The following EYS variants were observed in gnomAD, a reference collection of about 807,000 sequenced individuals.
EYS encodes the protein EGF-like photoreceptor maintenance factor.
EYS carries 250 observed loss-of-function variants against 282.1 expected under a neutral mutation model. The ratio of observed to expected loss-of-function variants is 0.89; its 90% CI spans 0.80 to 0.98. The LOEUF (loss-of-function observed/expected upper bound fraction) is 0.98, where lower values mean the gene tolerates loss of function less well. Ranked by LOEUF, EYS falls within the 50% of genes least tolerant of loss-of-function variation. The pLI is 0.00. For synonymous variants in EYS, 1,355 were observed against 1,282.9 expected (o/e 1.06, Z -1.20); for missense variants, 4,016 against 3,709.0 (o/e 1.08, Z -2.15).
intron 29 of EYS, among the ~76,000 whole-genome samples, chr6:64,320,345 G>C (rs1420578289): frequency 1.3e-5 from 2 of 151,602 alleles, no homozygotes; most frequent in African/African-American, 4.8e-5. Context: ...AGGTCATTGA[G>C]TCTATGGGTT....
chr6:64,861,174 T>C (rs1766224758), intron 19 of EYS, among the ~76,000 whole-genome samples: 1 of 152,184 alleles, frequency 6.6e-6, no homozygotes, highest in Non-Finnish European at 1.5e-5. Flanking sequence ...GGCAGGCCAG[T>C]GCGGAACTGC....
intron 29 of EYS, among the ~76,000 whole-genome samples, chr6:64,362,109 G>A (rs1772031038): frequency 6.6e-6 from 1 of 151,710 alleles, no homozygotes. Context: ...AGGAGCTGGT[G>A]CTGCCATTTA....
chr6:64,505,990 G>A (rs1411874995), intron 26 of EYS, among the ~76,000 whole-genome samples: 1 of 152,162 alleles, frequency 6.6e-6, no homozygotes, highest in Non-Finnish European at 1.5e-5. Flanking sequence ...ATCAGGAAAT[G>A]TGGTCCTTTC....
intron 26 of EYS, among the ~76,000 whole-genome samples, chr6:64,537,609 A>G (rs940927076): frequency 6.6e-6 from 1 of 152,144 alleles, no homozygotes; most frequent in Non-Finnish European, 1.5e-5. Context: ...TAGCTGCTCA[A>G]AGTTACTTAT....
At chr6:65,655,207 G>C (rs996342827) in intron 1 of EYS, among the ~76,000 whole-genome samples, 1 of 151,430 alleles carries the variant, frequency 6.6e-6, no homozygotes, top group Non-Finnish European at 1.5e-5. Flanking sequence ...ATAATTTATA[G>C]AGAATTCTCA....
intron 5 of EYS, among the ~76,000 whole-genome samples, chr6:65,416,806 C>G (rs1422474719): frequency 6.6e-6 from 1 of 151,920 alleles, no homozygotes; most frequent in African/African-American, 2.4e-5. Context: ...ATAGGCAACA[C>G]AAAGACATCA....
intron 5 of EYS, among the ~76,000 whole-genome samples, chr6:65,424,155 A>C (rs960224463): frequency 6.6e-6 from 1 of 151,960 alleles, no homozygotes; most frequent in African/African-American, 2.4e-5. Context: ...ATACATTCGA[A>C]GTTTTACTTG....
chr6:65,310,020 C>A (rs1004060560), intron 11 of EYS, among the ~76,000 whole-genome samples: 1 of 152,146 alleles, frequency 6.6e-6, no homozygotes, highest in African/African-American at 2.4e-5. Context: ...TTGCTCCAAC[C>A]CCTTCAGGTC....
chr6:63,878,613 G>A (rs888660203), intron 35 of EYS, among the ~76,000 whole-genome samples: 22 of 152,146 alleles, frequency 1.4e-4, no homozygotes, highest in East Asian at 1.9e-4. Context: ...CTTGAACTGC[G>A]GTGGGCTCCA....
At chr6:64,671,904 ATAATT>A (rs1769475788) in intron 22 of EYS, among the ~76,000 whole-genome samples, 1 of 152,298 alleles carries the variant, frequency 6.6e-6, no homozygotes, top group Admixed American at 6.5e-5. Flanking sequence ...AAAAAAAACA[ATAATT>A]TATGATCACC....
chr6:64,321,044 T>G (rs1770202123), intron 29 of EYS, among the ~76,000 whole-genome samples: 1 of 151,824 alleles, frequency 6.6e-6, no homozygotes, highest in African/African-American at 2.4e-5. Flanking sequence ...TTTCATAAAT[T>G]TATTCTGTTA....
intron 19 of EYS, among the ~76,000 whole-genome samples, chr6:64,870,125 G>C (rs956223217): frequency 6.6e-6 from 1 of 151,498 alleles, no homozygotes; most frequent in Non-Finnish European, 1.5e-5. Flanking sequence ...GATGGATAAT[G>C]GTTTCTTTAC....
chr6:64,327,952 G>A (rs1469797845), intron 29 of EYS, among the ~76,000 whole-genome samples: 3 of 152,150 alleles, frequency 2.0e-5, no homozygotes, highest in Non-Finnish European at 4.4e-5. Context: ...CCAGGGGGAT[G>A]AGGTCAGCCG....
At chr6:64,129,777 G>A (rs1773909294) in intron 31 of EYS, among the ~76,000 whole-genome samples, 1 of 152,168 alleles carries the variant, frequency 6.6e-6, no homozygotes, top group African/African-American at 2.4e-5. Flanking sequence ...TAACATGTAA[G>A]TCTTTAATCC....
intron 22 of EYS, among the ~76,000 whole-genome samples, chr6:64,735,446 C>CA (rs1172902218): frequency 1.3e-5 from 2 of 152,026 alleles, no homozygotes; most frequent in Non-Finnish European, 2.9e-5. Flanking sequence ...TGGATAGTGA[C>CA]ACAACTGATC....
At chr6:65,654,287 T>C (rs1265006050) in intron 1 of EYS, among the ~76,000 whole-genome samples, 1 of 151,868 alleles carries the variant, frequency 6.6e-6, no homozygotes, top group Non-Finnish European at 1.5e-5. Flanking sequence ...CTTTCTGTAA[T>C]AGTTACTCAC....
At chr6:64,580,715 C>T (rs1002921337) in intron 26 of EYS, among the ~76,000 whole-genome samples, 1 of 151,970 alleles carries the variant, frequency 6.6e-6, no homozygotes, top group Non-Finnish European at 1.5e-5. Flanking sequence ...TTTTAAACCT[C>T]TGAAAATAAT....
chr6:63,891,060 G>T (rs945332446), intron 35 of EYS, among the ~76,000 whole-genome samples: 2 of 152,126 alleles, frequency 1.3e-5, no homozygotes, highest in African/African-American at 4.8e-5. Flanking sequence ...TCCCTGAATA[G>T]ACCAATAACA....
At chr6:64,265,068 A>G (rs1190826357) in intron 30 of EYS, among the ~76,000 whole-genome samples, 1 of 140,006 alleles carries the variant, frequency 7.1e-6, no homozygotes, top group African/African-American at 2.5e-5. Flanking sequence ...TTTCTCATTC[A>G]GTTTTGTCAT....
Sources: allele counts gnomAD v4.1 joint callset (sites outside exome capture counted in the v4.1 genomes callset), GRCh38; gene constraint gnomAD v4.1.1; transcripts MANE v1.5; gene names NCBI Gene and HGNC (gene_info 2026-07-23, HGNC 2026-07-21).